EXT1: variants seen among roughly 807,000 people sequenced by gnomAD.
EXT1 encodes the protein exostosin-1.
Under a neutral mutation model 82.5 loss-of-function variants are expected in EXT1, and 20 were observed. The ratio of observed to expected loss-of-function variants is 0.24; its 90% CI spans 0.17 to 0.35. The LOEUF (loss-of-function observed/expected upper bound fraction) is 0.35. Among genes scored for constraint, EXT1 ranks in the 10% least tolerant of loss-of-function variants. EXT1 has a pLI of 1.00. For synonymous variants in EXT1, 348 were observed against 350.8 expected (o/e 0.99, Z 0.09); for missense variants, 757 against 936.5 (o/e 0.81, Z 2.50).
intron 1 of EXT1, among the ~76,000 whole-genome samples, chr8:117,858,781 G>GC (rs1812618280): frequency 2.3e-5 from 3 of 131,010 alleles, no homozygotes; most frequent in African/African-American, 1.1e-4. Flanking sequence ...AGGCAGGCAG[G>GC]CAGGCAGGCA....
At chr8:117,939,027 C>A (rs1264526536) in intron 1 of EXT1, among the ~76,000 whole-genome samples, 1 of 152,118 alleles carries the variant, frequency 6.6e-6, no homozygotes, top group Non-Finnish European at 1.5e-5. Context: ...ATGCCCCCTC[C>A]TTTTATTTTT....
chr8:117,989,226 C>CA (rs1237575167), intron 1 of EXT1, among the ~76,000 whole-genome samples: 3 of 151,986 alleles, frequency 2.0e-5, no homozygotes, highest in Non-Finnish European at 4.4e-5. Context: ...CTCTAAAATA[C>CA]AAAAGGAATT....
chr8:117,852,970 T>C (rs1812481412), intron 1 of EXT1, among the ~76,000 whole-genome samples: 2 of 152,092 alleles, frequency 1.3e-5, no homozygotes, highest in Admixed American at 6.6e-5. Flanking sequence ...GCACACATGG[T>C]AGAGGAACTT....
At chr8:117,979,491 G>A (rs537199626) in intron 1 of EXT1, among the ~76,000 whole-genome samples, 1 of 151,544 alleles carries the variant, frequency 6.6e-6, no homozygotes, top group South Asian at 2.1e-4. Context: ...AGTAGCAAAA[G>A]TTCTGGAACT....
intron 9 of EXT1, among the ~76,000 whole-genome samples, chr8:117,805,542 T>C (rs969038829): frequency 6.6e-6 from 1 of 152,226 alleles, no homozygotes; most frequent in Non-Finnish European, 1.5e-5. Flanking sequence ...ATAGCATATA[T>C]TTATAGGAAA....
chr8:118,041,654 A>G (rs1472382386), intron 1 of EXT1, among the ~76,000 whole-genome samples: 8 of 128,906 alleles, frequency 6.2e-5, no homozygotes, highest in South Asian at 2.6e-4. Context: ...AAAAGAAAGA[A>G]AGAGAGAGAA....
intron 1 of EXT1, among the ~76,000 whole-genome samples, chr8:117,855,495 TG>T (rs1563580879): frequency 6.6e-6 from 1 of 152,198 alleles, no homozygotes; most frequent in African/African-American, 2.4e-5. Flanking sequence ...CATATTAAGA[TG>T]GTGAACTTGA....
chr8:118,027,313 T>TCA (rs71307421), intron 1 of EXT1, among the ~76,000 whole-genome samples: 7,207 of 145,398 alleles, frequency 0.05, 233 homozygotes, highest in Middle Eastern at 0.074. Flanking sequence ...TCAGTTTCTT[T>TCA]CACACACACA....
At chr8:118,016,404 A>T (rs1816004661) in intron 1 of EXT1, among the ~76,000 whole-genome samples, 1 of 152,140 alleles carries the variant, frequency 6.6e-6, no homozygotes, top group African/African-American at 2.4e-5. Context: ...AAAATAAATA[A>T]ATGAATAAAT....
chr8:117,928,472 A>G (rs1010375315), intron 1 of EXT1, among the ~76,000 whole-genome samples: 1 of 152,254 alleles, frequency 6.6e-6, no homozygotes. Context: ...TTTAGTTACT[A>G]GTTTCCTTAA....
In EXT1 at chr8:117,835,522, A is replaced by G; in HGVS notation, c.1086T>C (p.Asn362=). 1 of 1,614,102 alleles carries G rather than the reference A, an allele frequency of 6.2e-7. No individual in the cohort carries two copies. Among genetic ancestry groups the G allele is most frequent in the Non-Finnish European group, 8.5e-7 (1 of 1,179,970 alleles). Reference sequence around the variant, plus strand: ...CTTCAGAGAATGGCAACTCCCATCCATTGCTGAGCATCACAGGGACGCAGG... The same window carrying G: ...CTTCAGAGAATGGCAACTCCCATCCGTTGCTGAGCATCACAGGGACGCAGG... ...QAACVPVMLS[N]GWELPFSEVI... Residue 362 remains asparagine (N), a synonymous_variant, in exon 3 of 11, where the codon AAT becomes AAC. Transcript: ENST00000378204.
At chr8:117,994,718 A>G (rs1181896859) in intron 1 of EXT1, among the ~76,000 whole-genome samples, 2 of 152,154 alleles carry the variant, frequency 1.3e-5, no homozygotes, top group Non-Finnish European at 2.9e-5. Flanking sequence ...TAGTCAATCT[A>G]GATCCATGGA....
At chr8:118,009,064 G>C (rs1391065971) in intron 1 of EXT1, among the ~76,000 whole-genome samples, 1 of 152,152 alleles carries the variant, frequency 6.6e-6, no homozygotes, top group Non-Finnish European at 1.5e-5. Context: ...CAGAAAATTG[G>C]GGGAAACCAA....
chr8:117,879,347 A>G (rs576646777), intron 1 of EXT1, among the ~76,000 whole-genome samples: 1 of 152,328 alleles, frequency 6.6e-6, no homozygotes, highest in South Asian at 2.1e-4. Context: ...GTGAAACAAA[A>G]ACAGAGCCTG....
chr8:117,999,411 T>A (rs1488391554), intron 1 of EXT1, among the ~76,000 whole-genome samples: 1 of 152,200 alleles, frequency 6.6e-6, no homozygotes, highest in African/African-American at 2.4e-5. Context: ...CCACATACTA[T>A]TTATTACCTT....
At chr8:117,947,217 TGTTCTGTCTCTCCA>T (rs1448187736) in intron 1 of EXT1, among the ~76,000 whole-genome samples, 7 of 152,166 alleles carry the variant, frequency 4.6e-5, no homozygotes. Context: ...ACAGGTAAAA[TGTTCTGTCTCTCCA>T]ACTATGGCCA....
At chr8:117,984,395 C>T (rs567223325) in intron 1 of EXT1, among the ~76,000 whole-genome samples, 1 of 150,986 alleles carries the variant, frequency 6.6e-6, no homozygotes, top group East Asian at 1.9e-4. Context: ...TGCCACTGCA[C>T]TCCAGCCTGG....
intron 1 of EXT1, among the ~76,000 whole-genome samples, chr8:118,025,425 A>T (rs1046459766): frequency 1.3e-5 from 2 of 152,206 alleles, no homozygotes; most frequent in Non-Finnish European, 2.9e-5. Context: ...GGTCAAGATA[A>T]CAAAATGAGA....
intron 3 of EXT1, among the ~76,000 whole-genome samples, chr8:117,834,788 G>C (rs534083291): frequency 1.3e-5 from 2 of 152,192 alleles, no homozygotes; most frequent in African/African-American, 4.8e-5. Context: ...GGAGAAAAGA[G>C]CACGGCAACT....
Sources: allele counts gnomAD v4.1 joint callset (sites outside exome capture counted in the v4.1 genomes callset), GRCh38; gene constraint gnomAD v4.1.1; transcripts MANE v1.5; gene names NCBI Gene and HGNC (gene_info 2026-07-23, HGNC 2026-07-21).